The following CIPC variants were observed in gnomAD, a reference collection of about 807,000 sequenced individuals.
CIPC encodes the protein CLOCK interacting pacemaker, also known as CLOCK-interacting pacemaker.
A neutral mutation model predicts 26.7 loss-of-function variants in CIPC; 12 were observed. The ratio of observed to expected loss-of-function variants is 0.45; its 90% confidence interval spans 0.29 to 0.73. The LOEUF (loss-of-function observed/expected upper bound fraction) is 0.73. CIPC is among the 30% of genes least tolerant of loss of function. The probability of loss-of-function intolerance (pLI) is 0.12; values close to 1 mark genes in which losing one functional copy is unlikely to be tolerated. For synonymous variants in CIPC, 170 were observed against 189.8 expected (o/e 0.90, Z 0.86); for missense variants, 417 against 486.5 (o/e 0.86, Z 1.34).
In CIPC at chr14:77,114,015, C is replaced by T; in HGVS notation, c.897C>T (p.Leu299=). The part of the protein sequence containing the change: ...YSSPLWAAEH[L]CRSPDIFSEQ... ...CACCTTTATGGGCTGCAGAGCACCT[C>T]TGCCGCAGCCCAGATATCTTTTCAG... Residue 299 remains leucine (L), a synonymous_variant, in exon 4 of 4, where the codon CTC becomes CTT. Coordinates refer to ENST00000361786, the MANE Select transcript of CIPC (RefSeq NM_033426.3). 6.2e-7 allele frequency: 1 copy of T among 1,614,268 alleles called. No homozygotes were observed. Among genetic ancestry groups the T allele is most frequent in the Non-Finnish European group, 8.5e-7 (1 of 1,180,044 alleles).
At chr14:77,103,760 G>A (rs1886538020) in intron 1 of CIPC, among the ~76,000 whole-genome samples, 1 of 152,084 alleles carries the variant, frequency 6.6e-6, no homozygotes, top group African/African-American at 2.4e-5. Flanking sequence ...AGTCTTACAT[G>A]TGACTGCCTA....
rs539478133 is a variant in CIPC, at chr14:77,113,471, T to C, written c.353T>C (p.Phe118Ser). The C allele has an allele frequency of 4.3e-6, 7 of 1,614,038 alleles. No homozygotes were observed. Among genetic ancestry groups the C allele is most frequent in the Non-Finnish European group, 5.1e-6 (6 of 1,180,038 alleles). Residue 118 changes from phenylalanine (F) to serine (S), a missense_variant, in exon 4 of 4, where the codon TTT becomes TCT. By Grantham distance (155) the Phe-to-Ser change is radical. Transcript: ENST00000361786. ...CAGTCGTGGACTGTCCAGCCCTCCT[T>C]TGAAGTGATCTCAGCACAGCCACAG... ...QLQSWTVQPS[F>S]EVISAQPQLL...
At chr14:77,100,243 T>TTTC (rs1566803290) in intron 1 of CIPC, among the ~76,000 whole-genome samples, 1 of 52,182 alleles carries the variant, frequency 1.9e-5, no homozygotes, top group African/African-American at 4.6e-5. Flanking sequence ...TTTCTTTCTT[T>TTTC]TTTTTTTTTT....
rs1886795636 is a variant in CIPC, at chr14:77,115,523, G to C, written c.*1205G>C. The C allele has an allele frequency of 6.6e-6, 1 of 152,178 alleles. No individual in the cohort carries two copies. Among genetic ancestry groups the C allele is most frequent in the South Asian group, 2.1e-4 (1 of 4,830 alleles). 9.4% of individuals were successfully genotyped at this position (152,178 alleles called of 1,614,324 possible). On this transcript the variant is annotated 3_prime_UTR_variant, in exon 4 of 4. Transcript: ENST00000361786. ...CATCTCAAAATGGAGACCATGACCA[G>C]AGTTTCCAGATGATACACGTTCTTT...
At chr14:77,108,774 C>T (rs1431991139) in intron 2 of CIPC, among the ~76,000 whole-genome samples, 1 of 151,804 alleles carries the variant, frequency 6.6e-6, no homozygotes, top group African/African-American at 2.4e-5. Context: ...AGTGCTTTCC[C>T]TCCTCCCTCT....
intron 1 of CIPC, among the ~76,000 whole-genome samples, chr14:77,103,028 C>T (rs1886521837): frequency 6.6e-6 from 1 of 152,220 alleles, no homozygotes; most frequent in South Asian, 2.1e-4. Context: ...CAAGTTGTGA[C>T]AGTGCCACTG....
In CIPC at chr14:77,114,422, T is replaced by A; in HGVS notation, c.*104T>A. The A allele has an allele frequency of 7.9e-7, 1 of 1,269,648 alleles. No homozygotes were observed. Among genetic ancestry groups the A allele is most frequent in the Non-Finnish European group, 1.1e-6 (1 of 913,246 alleles). 78.6% of individuals were successfully genotyped at this position (1,269,648 alleles called of 1,614,324 possible). A position where few individuals can be genotyped will look rare whatever the true frequency, so the allele number is the denominator to read the frequency against. ...ATGTAAGAGCTTTTCCTTCTAAACT[T>A]AAACTGTGTTGTGGTTCACTTAGGA... On this transcript the variant is annotated 3_prime_UTR_variant, in exon 4 of 4. Transcript: ENST00000361786.
intron 1 of CIPC, 111 bp from the exon 2 acceptor site, chr14:77,105,546 A>G: frequency 6.2e-6 from 4 of 642,622 alleles, no homozygotes; most frequent in Non-Finnish European, 1.0e-5. Context: ...CTCTGAGAAA[A>G]TAAAGCTGAA....
intron 2 of CIPC, among the ~76,000 whole-genome samples, chr14:77,109,338 C>T (rs1886649611): frequency 3.9e-5 from 6 of 152,072 alleles, no homozygotes; most frequent in Admixed American, 3.9e-4. Context: ...GGAGAAAATG[C>T]AATTGTTTTG....
rs1217349211 is a variant in CIPC, at chr14:77,116,527, T to C, written c.*2209T>C. On this transcript the variant is annotated 3_prime_UTR_variant, in exon 4 of 4. Transcript: ENST00000361786. ...CTGTGGAGCTATAAGCCTCTTGGAC[T>C]CTTCTTCCTAGATTAAGGCTTGCAT... 6.6e-6 allele frequency: 1 copy of C among 152,212 alleles called. No individual in the cohort carries two copies. Among genetic ancestry groups the C allele is most frequent in the African/African-American group, 2.4e-5 (1 of 41,464 alleles). 9.4% of individuals were successfully genotyped at this position (152,212 alleles called of 1,614,324 possible).
rs898010718 is a variant in CIPC, at chr14:77,115,191, A to G, written c.*873A>G. On this transcript the variant is annotated 3_prime_UTR_variant, in exon 4 of 4. Transcript: ENST00000361786. Reference sequence around the variant, plus strand: ...TTTTATGTCTAAAAATCTTAAGGATAGTTTCAGTGGTTCCTGGGATGTAGT... The same window carrying G: ...TTTTATGTCTAAAAATCTTAAGGATGGTTTCAGTGGTTCCTGGGATGTAGT... 12 of 149,160 alleles carry G rather than the reference A, an allele frequency of 8.0e-5. No individual in the cohort carries two copies. Among genetic ancestry groups the G allele is most frequent in the African/African-American group, 2.9e-4 (12 of 40,744 alleles). The allele number at this position is 149,160 out of a possible 1,614,324, so 9.2% of individuals were successfully genotyped here.
chr14:77,102,321 T>A (rs749375486), intron 1 of CIPC, among the ~76,000 whole-genome samples: 1 of 152,192 alleles, frequency 6.6e-6, no homozygotes, highest in Non-Finnish European at 1.5e-5. Context: ...GAGCTGTGTT[T>A]GTGGCCTTGC....
rs182936399 is a variant in CIPC at position 77,103,927 on chromosome 14, G to T, written c.-52-1730G>T. Among the ~76,000 whole-genome samples, 536 of 144,708 alleles carry T rather than the reference G, an allele frequency of 3.7e-3. 2 individuals are homozygous for T. Among genetic ancestry groups the T allele is most frequent in the Non-Finnish European group, 5.8e-3 (386 of 66,246 alleles). The allele number at this position is 144,708 out of a possible 152,430, so 94.9% of individuals were successfully genotyped here. The stretch of plus-strand genomic sequence containing the variant: ...GGTACCACCATCTTCCCCCTACCCA[G>T]TCCCATCAGGTGGGCCTCCATGTTT... On this transcript the variant is annotated intron_variant, in intron 1 of 3. Coordinates refer to ENST00000361786, the MANE Select transcript of CIPC (RefSeq NM_033426.3).
intron 3 of CIPC, among the ~76,000 whole-genome samples, chr14:77,113,036 G>A (rs1315060155): frequency 1.6e-4 from 24 of 152,140 alleles, no homozygotes; most frequent in Admixed American, 1.6e-3. Flanking sequence ...TTAATCAAAA[G>A]TTATTTTCAG....
In CIPC at chr14:77,109,633, A is replaced by G. The variant is rs57452241; in HGVS notation, c.137-179A>G. Among the ~76,000 whole-genome samples, 1,263 of 152,312 alleles carry G rather than the reference A, an allele frequency of 8.3e-3. 27 individuals carry two copies. The East Asian group carries it at 0.087, about 10-fold the overall frequency. On this transcript the variant is annotated intron_variant, in intron 2 of 3. Coordinates refer to ENST00000361786, the MANE Select transcript of CIPC (RefSeq NM_033426.3). ...ATTCTTAATCTTTGGTGGAGGAGGG[A>G]TTAATTATAGATCCCATTGAAAAGC... is the stretch of plus-strand genomic sequence containing the variant.
chr14:77,100,009 G>T (rs909693089), intron 1 of CIPC: 3 of 152,086 alleles, frequency 2.0e-5, no homozygotes, highest in Non-Finnish European at 4.4e-5. Context: ...GACTCAGCAG[G>T]TCAGAGATTT....
chr14:77,109,328 G>A (rs1886649513), intron 2 of CIPC, among the ~76,000 whole-genome samples: 1 of 152,138 alleles, frequency 6.6e-6, no homozygotes, highest in African/African-American at 2.4e-5. Context: ...TCCTTAAGCT[G>A]GAGAAAATGC....
intron 1 of CIPC, among the ~76,000 whole-genome samples, chr14:77,101,167 A>T (rs879643919): frequency 1.3e-5 from 2 of 152,192 alleles, no homozygotes; most frequent in African/African-American, 2.4e-5. Context: ...AATATCTAAG[A>T]GGAAAAAAAT....
rs535130257 is a variant in CIPC, at chr14:77,114,795, A to C, written c.*477A>C. 1 of 160,056 alleles carries C rather than the reference A, an allele frequency of 6.2e-6. No individual in the cohort carries two copies. Among genetic ancestry groups the C allele is most frequent in the East Asian group, 1.8e-4 (1 of 5,566 alleles). 9.9% of individuals were successfully genotyped at this position (160,056 alleles called of 1,614,324 possible). On this transcript the variant is annotated 3_prime_UTR_variant, in exon 4 of 4. Transcript: ENST00000361786. ...AGAGAAATAAGAGGAGGTTGTTTGC[A>C]TCCCACAAGGCATCGTACTAGTTGG...
Sources: allele counts gnomAD v4.1 joint callset (sites outside exome capture counted in the v4.1 genomes callset), GRCh38; gene constraint gnomAD v4.1.1; transcripts MANE v1.5; gene names NCBI Gene and HGNC (gene_info 2026-07-23, HGNC 2026-07-21).